RBAK: variants seen among roughly 807,000 people sequenced by gnomAD.
RBAK encodes RB associated KRAB zinc finger.
Under a neutral mutation model 65.8 loss-of-function variants are expected in RBAK, and 39 were observed. The observed-to-expected ratio is 0.59, with a 90% confidence interval of 0.46 to 0.77. The LOEUF (loss-of-function observed/expected upper bound fraction) is 0.77. RBAK is among the 30% of genes least tolerant of loss of function. The pLI is 0.00. For synonymous variants in RBAK, 343 were observed against 289.7 expected (o/e 1.18, Z -1.87); for missense variants, 884 against 855.1 (o/e 1.03, Z -0.42).
chr7:5,052,787 T>G (rs1170324262), intron 2 of RBAK, among the ~76,000 whole-genome samples: 3 of 152,038 alleles, frequency 2.0e-5, no homozygotes, highest in Non-Finnish European at 2.9e-5. Flanking sequence ...TGAGTTGGAG[T>G]CTCACTCTGT....
In RBAK at chr7:5,056,355, C is replaced by T. The variant is rs149886381; in HGVS notation, c.16-940C>T. Among the ~76,000 whole-genome samples, 1,160 of 151,924 alleles carry T rather than the reference C, an allele frequency of 7.6e-3. 14 individuals carry two copies. Among genetic ancestry groups the T allele is most frequent in the African/African-American group, 0.026 (1,090 of 41,436 alleles). ...CTGGTCTCGAACTCCTGAGCTCAAACGATCTTCCCATCTTGGCCTCCCAAA... is the reference window on the plus strand; with the variant it reads ...CTGGTCTCGAACTCCTGAGCTCAAATGATCTTCCCATCTTGGCCTCCCAAA... On this transcript the variant is annotated intron_variant, in intron 2 of 4. Coordinates refer to ENST00000396912, the MANE Select transcript of RBAK (RefSeq NM_021163.4).
intron 2 of RBAK, among the ~76,000 whole-genome samples, chr7:5,049,043 A>G (rs1368828469): frequency 2.0e-5 from 3 of 152,218 alleles, no homozygotes; most frequent in South Asian, 2.1e-4. Flanking sequence ...GCGAAACCAT[A>G]TCACCATCCA....
At position 5,066,550 on chromosome 7, in the gene RBAK, A is replaced by G. The variant is rs939577711; in HGVS notation, c.*949A>G. 1 of 152,130 alleles carries G rather than the reference A, an allele frequency of 6.6e-6. No individual in the cohort carries two copies. The highest frequency in any genetic ancestry group is 1.5e-5 in the Non-Finnish European group (1 of 67,998). The allele number at this position is 152,130 out of a possible 1,614,324, so 9.4% of individuals were successfully genotyped here. Reference sequence around the variant, plus strand: ...AGGTTTGAGTGTGCCTAGTGCCAATATTTTGTAATTTAGAAATTTTATTCA... The same window carrying G: ...AGGTTTGAGTGTGCCTAGTGCCAATGTTTTGTAATTTAGAAATTTTATTCA... On this transcript the variant is annotated 3_prime_UTR_variant, in exon 5 of 5. Transcript: ENST00000396912.
At chr7:5,053,217 T>A (rs1448812730) in intron 2 of RBAK, among the ~76,000 whole-genome samples, 1 of 152,238 alleles carries the variant, frequency 6.6e-6, no homozygotes, top group Non-Finnish European at 1.5e-5. Context: ...GATGAATTCT[T>A]GTACGTCTGC....
Position 5,046,233 on chromosome 7 carries a change from C to A in RBAK, c.-208C>A. 2.0e-6 allele frequency: 1 copy of A among 509,660 alleles called. No individual in the cohort carries two copies. Among genetic ancestry groups the A allele is most frequent in the Non-Finnish European group, 3.9e-6 (1 of 256,694 alleles). The allele number at this position is 509,660 out of a possible 1,614,324, so 31.6% of individuals were successfully genotyped here. On this transcript the variant is annotated 5_prime_UTR_variant, in exon 1 of 5. Transcript: ENST00000396912. ...GCGGATCTGGGTCCCGGGAAGGACA[C>A]CCGCCTGGATTTGCCCCTTAGGCCC...
chr7:5,067,272 A>C lies in RBAK; in HGVS notation c.*1671A>C, dbSNP rs1315167084. ...AAACTTTAAAAACGAAAAAGAATAT[A>C]AATCTCTATTTGCAGATGCCATGAG... On this transcript the variant is annotated 3_prime_UTR_variant, in exon 5 of 5. Transcript: ENST00000396912. 6.6e-6 allele frequency: 1 copy of C among 152,198 alleles called. No homozygotes were observed. The highest frequency in any genetic ancestry group is 1.5e-5 in the Non-Finnish European group (1 of 68,006). 9.4% of individuals were successfully genotyped at this position (152,198 alleles called of 1,614,324 possible).
intron 2 of RBAK, chr7:5,057,088 A>T (rs1778937056): frequency 5.0e-6 from 1 of 198,360 alleles, no homozygotes; most frequent in African/African-American, 2.4e-5. Flanking sequence ...TATATATATT[A>T]TATATATTTA....
intron 2 of RBAK, among the ~76,000 whole-genome samples, chr7:5,050,794 G>A (rs999634087): frequency 6.6e-6 from 1 of 151,998 alleles, no homozygotes; most frequent in Non-Finnish European, 1.5e-5. Context: ...GGCTGGTCTT[G>A]AACTCCTGGG....
intron 4 of RBAK, among the ~76,000 whole-genome samples, chr7:5,058,133 G>A (rs559292962): frequency 2.6e-5 from 4 of 152,054 alleles, no homozygotes; most frequent in African/African-American, 9.7e-5. Flanking sequence ...GGTGTGCAGT[G>A]GTATGATCTC....
At position 5,069,147 on chromosome 7, in the gene RBAK, A is replaced by G. The variant is rs893453221; in HGVS notation, c.*3546A>G. ...TTTCTGCATGTGTGTTAAACTTTCC[A>G]TAAAAGTTTTCTAAAATCACAAATG... On this transcript the variant is annotated 3_prime_UTR_variant, in exon 5 of 5. Transcript: ENST00000396912. 6.6e-6 allele frequency: 1 copy of G among 152,224 alleles called. No homozygotes were observed. Among genetic ancestry groups the G allele is most frequent in the African/African-American group, 2.4e-5 (1 of 41,456 alleles). The allele number at this position is 152,224 out of a possible 1,614,324, so 9.4% of individuals were successfully genotyped here. A position where few individuals can be genotyped will look rare whatever the true frequency, so the allele number is the denominator to read the frequency against.
chr7:5,046,717 G>A (rs1256925389), intron 1 of RBAK, among the ~76,000 whole-genome samples: 1 of 152,164 alleles, frequency 6.6e-6, no homozygotes, highest in African/African-American at 2.4e-5. Flanking sequence ...CAGCGCCTCT[G>A]TTCTCTCATT....
In RBAK at chr7:5,048,289, C is replaced by G. The variant is rs1382235528; in HGVS notation, c.15+198C>G. On this transcript the variant is annotated intron_variant, in intron 2 of 4. Coordinates refer to ENST00000396912, the MANE Select transcript of RBAK (RefSeq NM_021163.4). This position sits in a 1 kb window ranked among gnomAD's most constrained non-coding sequence, Gnocchi z 4.4. ...CTGGGTTCAAGCGATTCTCCTGCCT[C>G]AGCCTCCCGAGTAGCTGGGATTACA... 6.6e-6 allele frequency among the ~76,000 whole-genome samples: 1 copy of G among 152,108 alleles called. No individual in the cohort carries two copies. Among genetic ancestry groups the G allele is most frequent in the African/African-American group, 2.4e-5 (1 of 41,396 alleles).
Position 5,064,121 on chromosome 7 carries a change from C to T in RBAK, c.665C>T (p.Ala222Val). ...EALDNEAVFI[A>V]HKRAYIGEKP... is the part of the protein sequence containing the mutation. ...TTAGACAATGAGGCTGTTTTTATTG[C>T]TCATAAGAGAGCTTACATAGGGGAG... is the stretch of plus-strand genomic sequence containing the variant. Residue 222 changes from alanine (A) to valine (V), a missense_variant, in exon 5 of 5, where the codon GCT (alanine) becomes GTT (valine). By Grantham distance (64) the Ala-to-Val change is moderately conservative. Coordinates refer to ENST00000396912, the MANE Select transcript of RBAK (RefSeq NM_021163.4). The surrounding 1 kb of genome is among the most constrained non-coding windows in gnomAD (Gnocchi z 6.3). 1.2e-6 allele frequency: 2 copies of T among 1,613,870 alleles called. No homozygotes were observed. Among genetic ancestry groups the T allele is most frequent in the Non-Finnish European group, 8.5e-7 (1 of 1,179,990 alleles).
intron 1 of RBAK, 109 bp from the exon 2 acceptor site, chr7:5,047,924 C>T (rs1788030153): frequency 1.8e-6 from 1 of 549,002 alleles, no homozygotes; most frequent in African/African-American, 2.0e-5. Context: ...GCTGAGTGTT[C>T]ACAGGGTGTT....
intron 3 of RBAK, 30 bp from the exon 4 acceptor site, chr7:5,057,654 C>T: frequency 5.6e-6 from 9 of 1,613,274 alleles, no homozygotes; most frequent in Non-Finnish European, 6.8e-6. Context: ...AAGCAGCTTC[C>T]CCAAGTCCTC....
At position 5,063,769 on chromosome 7, in the gene RBAK, A is replaced by G. The variant is rs1053566715; in HGVS notation, c.313A>G (p.Ile105Val). Residue 105 changes from isoleucine (I) to valine (V), a missense_variant, in exon 5 of 5, where the codon ATC (isoleucine) becomes GTC (valine). By Grantham distance (29) the Ile-to-Val change is conservative (BLOSUM62 3). Coordinates refer to ENST00000396912, the MANE Select transcript of RBAK (RefSeq NM_021163.4). Reference protein sequence around the residue: ...EDKHSRQAACINSKTLTEEKE... With the variant: ...EDKHSRQAACVNSKTLTEEKE... Reference sequence around the variant, plus strand: ...CAAACATTCAAGGCAAGCTGCTTGTATCAATAGCAAAACCCTGACTGAAGA... The same window carrying G: ...CAAACATTCAAGGCAAGCTGCTTGTGTCAATAGCAAAACCCTGACTGAAGA... The G allele has an allele frequency of 1.2e-6, 2 of 1,613,924 alleles. No homozygotes were observed. Among genetic ancestry groups the G allele is most frequent in the East Asian group, 4.5e-5 (2 of 44,858 alleles).
At chr7:5,049,067 A>G (rs1364889713) in intron 2 of RBAK, among the ~76,000 whole-genome samples, 2 of 152,248 alleles carry the variant, frequency 1.3e-5, no homozygotes, top group Non-Finnish European at 2.9e-5. Flanking sequence ...CATCATTTGC[A>G]TTCATTATAA....
chr7:5,064,663 T>C lies in RBAK; in HGVS notation c.1207T>C (p.Cys403Arg). Residue 403 changes from cysteine to arginine, a missense_variant, in exon 5 of 5, where the codon TGT becomes CGT. Cys to Arg is a radical substitution (Grantham distance 180). Coordinates refer to ENST00000396912, the MANE Select transcript of RBAK (RefSeq NM_021163.4). The surrounding 1 kb of genome is among the most constrained non-coding windows in gnomAD (Gnocchi z 6.3). ...RTHTGEKLYK[C>R]NECGKSYYRK... is the part of the protein sequence containing the mutation. ...TCACACGGGAGAGAAGCTTTATAAA[T>C]GTAATGAATGTGGGAAATCCTACTA... The C allele has an allele frequency of 6.2e-7, 1 of 1,612,042 alleles. No homozygotes were observed. Among genetic ancestry groups the C allele is most frequent in the Non-Finnish European group, 8.5e-7 (1 of 1,178,418 alleles).
chr7:5,067,486 G>C lies in RBAK; in HGVS notation c.*1885G>C, dbSNP rs988991004. The C allele has an allele frequency of 6.6e-6, 1 of 152,112 alleles. No individual in the cohort carries two copies. The allele number at this position is 152,112 out of a possible 1,614,324, so 9.4% of individuals were successfully genotyped here. On this transcript the variant is annotated 3_prime_UTR_variant, in exon 5 of 5. Transcript: ENST00000396912. ...GAAAATAAAATTACAAAGGAGGAGAGGGATAGGATTCCAGGACAATCTCAA... is the reference window on the plus strand; with the variant it reads ...GAAAATAAAATTACAAAGGAGGAGACGGATAGGATTCCAGGACAATCTCAA...
Sources: gnomAD v4.1 joint callset for allele counts (sites outside exome capture counted in the v4.1 genomes callset) on GRCh38, gnomAD v4.1.1 for gene constraint, Gnocchi (gnomAD v3.1) non-coding constraint, MANE v1.5 for transcripts, NCBI Gene and HGNC (gene_info 2026-07-23, HGNC 2026-07-21) for gene names.